CSMD3: variants seen among roughly 807,000 people sequenced by gnomAD.
CSMD3 encodes the protein CUB and sushi domain-containing protein 3.
In CSMD3, 177 loss-of-function variants were observed where a neutral mutation model predicts 435.2. The ratio of observed to expected loss-of-function variants is 0.41; its 90% CI spans 0.36 to 0.46. CSMD3 has a LOEUF of 0.46. Among genes scored for constraint, CSMD3 ranks in the 20% least tolerant of loss-of-function variants. The pLI is 0.34. For synonymous variants in CSMD3, 1,656 were observed against 1,520.5 expected (o/e 1.09, Z -2.07); for missense variants, 4,265 against 4,504.6 (o/e 0.95, Z 1.52).
intron 1 of CSMD3, among the ~76,000 whole-genome samples, chr8:113,360,487 A>G (rs1427626040): frequency 6.6e-6 from 1 of 151,996 alleles, no homozygotes; most frequent in East Asian, 1.9e-4. Flanking sequence ...ATCAATTTAC[A>G]CTGGGACACA....
intron 1 of CSMD3, among the ~76,000 whole-genome samples, chr8:113,324,758 T>G (rs923602731): frequency 1.3e-5 from 2 of 152,060 alleles, no homozygotes; most frequent in African/African-American, 4.8e-5. Context: ...CACTGAAAGA[T>G]TGCACTGTTC....
intron 1 of CSMD3, among the ~76,000 whole-genome samples, chr8:113,325,766 G>T (rs929900346): frequency 2.6e-5 from 4 of 152,148 alleles, no homozygotes; most frequent in African/African-American, 9.7e-5. Context: ...TCCTAAAAGG[G>T]TCTCTCAGTC....
intron 2 of CSMD3, among the ~76,000 whole-genome samples, chr8:113,281,108 A>G (rs1467059822): frequency 2.0e-5 from 3 of 151,798 alleles, no homozygotes; most frequent in African/African-American, 7.2e-5. Context: ...TCTTGTAGAA[A>G]GTTTCATGCA....
chr8:112,253,620 T>C (rs1481020614), intron 63 of CSMD3, among the ~76,000 whole-genome samples: 1 of 151,940 alleles, frequency 6.6e-6, no homozygotes, highest in Non-Finnish European at 1.5e-5. Flanking sequence ...CCCTTGGATC[T>C]TTTGTAACTG....
At chr8:113,178,401 C>T (rs972120133) in intron 3 of CSMD3, among the ~76,000 whole-genome samples, 16 of 151,878 alleles carry the variant, frequency 1.1e-4, no homozygotes, top group African/African-American at 3.6e-4. Context: ...ATTCATTCCA[C>T]AAGTATTTAT....
chr8:112,926,072 G>A (rs542400988), intron 9 of CSMD3, among the ~76,000 whole-genome samples: 79 of 152,266 alleles, frequency 5.2e-4, no homozygotes, highest in African/African-American at 1.7e-3. Context: ...ATATAAAAGT[G>A]CAAAACAACA....
chr8:112,918,507 C>T (rs539798029), intron 10 of CSMD3, among the ~76,000 whole-genome samples: 18 of 151,862 alleles, frequency 1.2e-4, no homozygotes, highest in Admixed American at 6.6e-4. Context: ...ATTATCAATG[C>T]TCAACCACAT....
intron 5 of CSMD3, among the ~76,000 whole-genome samples, chr8:113,045,357 C>A (rs1394110490): frequency 1.3e-5 from 2 of 149,078 alleles, no homozygotes; most frequent in African/African-American, 4.9e-5. Flanking sequence ...TTCGTTTCAA[C>A]CAAAACGTCT....
In CSMD3 at chr8:112,247,060, G is replaced by A. The variant is rs1437022104; in HGVS notation, c.10182C>T (p.Leu3394=). 3 of 1,613,728 alleles carry A rather than the reference G, an allele frequency of 1.9e-6. No homozygotes were observed. The highest frequency in any genetic ancestry group is 2.7e-5 in the African/African-American group (2 of 74,888). The change falls in exon 64 of 71, where the codon CTC becomes CTT. Residue 3394 remains leucine (L), a synonymous_variant. Transcript: ENST00000297405. ...GAATCCCACTCCACGTAAGATCAGG[G>A]AGGCAGGTGCGTGTTGTAGACCCTT... ...LLQGSTTRTC[L]PDLTWSGIQP...
chr8:112,233,428 G>A (rs1241684586), intron 68 of CSMD3, among the ~76,000 whole-genome samples: 4 of 152,132 alleles, frequency 2.6e-5, no homozygotes, highest in African/African-American at 9.7e-5. Context: ...AATTCACTTT[G>A]TTTCCTACAT....
chr8:112,904,499 C>T (rs1411364265), intron 10 of CSMD3, among the ~76,000 whole-genome samples: 1 of 151,358 alleles, frequency 6.6e-6, no homozygotes, highest in Non-Finnish European at 1.5e-5. Flanking sequence ...GAGATCTTGC[C>T]AATATGAGGC....
At chr8:113,171,984 T>TCATG (rs1279928862) in intron 4 of CSMD3, among the ~76,000 whole-genome samples, 5 of 152,190 alleles carry the variant, frequency 3.3e-5, no homozygotes. Flanking sequence ...GTTTCTAAGC[T>TCATG]CATGGTTCAT....
intron 5 of CSMD3, among the ~76,000 whole-genome samples, chr8:113,035,770 A>C (rs193137446): frequency 1.3e-5 from 2 of 151,980 alleles, no homozygotes; most frequent in Non-Finnish European, 2.9e-5. Context: ...CACTGAAATA[A>C]AAGGATCAGA....
intron 10 of CSMD3, among the ~76,000 whole-genome samples, chr8:112,889,719 T>C (rs924056078): frequency 4.0e-5 from 6 of 151,692 alleles, no homozygotes; most frequent in Admixed American, 2.0e-4. Flanking sequence ...AAGAAAAAAA[T>C]GTATTTTTAA....
intron 13 of CSMD3, among the ~76,000 whole-genome samples, chr8:112,785,599 C>G (rs1340032223): frequency 6.6e-6 from 1 of 151,992 alleles, no homozygotes; most frequent in African/African-American, 2.4e-5. Flanking sequence ...AAATCAGTAG[C>G]ATTTCTATCT....
chr8:113,419,317 C>T (rs140165881), intron 1 of CSMD3, among the ~76,000 whole-genome samples: 2,744 of 152,030 alleles, frequency 0.018, 95 homozygotes, highest in African/African-American at 0.06. Flanking sequence ...AGGCTTTCAC[C>T]ATGTCGGCCA....
At chr8:112,791,831 A>G (rs944905736) in intron 13 of CSMD3, among the ~76,000 whole-genome samples, 1 of 152,148 alleles carries the variant, frequency 6.6e-6, no homozygotes, top group Admixed American at 6.6e-5. Context: ...TACCATTTTT[A>G]TCTTCCTTCT....
chr8:113,342,119 C>A (rs2094123539), intron 1 of CSMD3, among the ~76,000 whole-genome samples: 1 of 150,692 alleles, frequency 6.6e-6, no homozygotes, highest in Non-Finnish European at 1.5e-5. Context: ...ATAAATTAAA[C>A]AGTAATGAAA....
chr8:112,659,154 T>A (rs1227656779), intron 17 of CSMD3, among the ~76,000 whole-genome samples: 2,433 of 152,160 alleles, frequency 0.016, 62 homozygotes, highest in African/African-American at 0.055. Context: ...CATTAACTGG[T>A]GATATAAAGA....
Sources: gnomAD v4.1 joint callset for allele counts (sites outside exome capture counted in the v4.1 genomes callset) on GRCh38, gnomAD v4.1.1 for gene constraint, MANE v1.5 for transcripts, NCBI Gene and HGNC (gene_info 2026-07-23, HGNC 2026-07-21) for gene names.